MTPAP: variants seen among roughly 807,000 people sequenced by gnomAD.
The protein encoded by MTPAP is mitochondrial poly(A) polymerase, also known as poly(A) RNA polymerase, mitochondrial.
In MTPAP, 23 loss-of-function variants were observed where a neutral mutation model predicts 48.7. That is an observed-to-expected ratio of 0.47 (90% CI 0.34 to 0.67). The LOEUF (loss-of-function observed/expected upper bound fraction) is 0.67, where lower values mean the gene tolerates loss of function less well. MTPAP is among the 30% of genes least tolerant of loss of function. The pLI is 0.01. For missense variants in MTPAP, 614 were observed against 694.3 expected, an observed-to-expected ratio of 0.88 and a Z score of 1.30; for synonymous variants, 257 against 254.1, an observed-to-expected ratio of 1.01 and a Z score of -0.11.
chr10:30,339,911 GAAA>G (rs1446470440), intron 3 of MTPAP: 2 of 365,344 alleles, frequency 5.5e-6, no homozygotes, highest in Non-Finnish European at 1.0e-5. Context: ...GGAGGGGAAA[GAAA>G]AAGACATTAG....
Position 30,312,784 on chromosome 10 carries a change from G to A in MTPAP, c.*825C>T, listed in dbSNP as rs1006922260. On this transcript the variant is annotated 3_prime_UTR_variant, in exon 9 of 9. Coordinates refer to ENST00000263063, the MANE Select transcript of MTPAP (RefSeq NM_018109.4). ...ATGTCTCTTTCCTGCAGGAAGAGGG[G>A]AGTTCTCAAAAGAGATGTGAAGGAA... 5 of 151,988 alleles carry A rather than the reference G, an allele frequency of 3.3e-5. No individual in the cohort carries two copies. The highest frequency in any genetic ancestry group is 1.2e-4 in the African/African-American group (5 of 41,374). 9.4% of individuals were successfully genotyped at this position (151,988 alleles called of 1,614,324 possible).
intron 1 of MTPAP, among the ~76,000 whole-genome samples, chr10:30,342,371 C>A (rs1834821207): frequency 6.6e-6 from 1 of 152,090 alleles, no homozygotes; most frequent in East Asian, 1.9e-4. Flanking sequence ...TATTTGTGGA[C>A]CACAGTTGAC....
At chr10:30,315,306 T>C (rs1840647924) in intron 8 of MTPAP, among the ~76,000 whole-genome samples, 2 of 152,172 alleles carry the variant, frequency 1.3e-5, no homozygotes, top group Non-Finnish European at 2.9e-5. Context: ...GGTTTGTGTT[T>C]TATGAAGCCA....
At position 30,340,391 on chromosome 10, in the gene MTPAP, C is replaced by T. The variant is rs1200083665; in HGVS notation, c.390G>A (p.Gly130=). 6.2e-7 allele frequency: 1 copy of T among 1,613,972 alleles called. No homozygotes were observed. Among genetic ancestry groups the T allele is most frequent in the Non-Finnish European group, 8.5e-7 (1 of 1,180,026 alleles). The change falls in exon 3 of 9, where the codon GGG becomes GGA. Residue 130 remains glycine (G), a synonymous_variant. Transcript: ENST00000263063. ...QKESIGSLQN[G]THTPSTAMET... ...CCATGGCCGTGCTTGGAGTATGAGT[C>T]CCATTCTGCAGTGAACCTATGCTTT... is the stretch of plus-strand genomic sequence containing the variant.
rs983089233 is a variant in MTPAP, at chr10:30,310,083, T to C, written c.*3526A>G. 6.6e-6 allele frequency: 1 copy of C among 152,208 alleles called. No homozygotes were observed. The highest frequency in any genetic ancestry group is 2.4e-5 in the African/African-American group (1 of 41,452). 9.4% of individuals were successfully genotyped at this position (152,208 alleles called of 1,614,324 possible). ...AAGCTACTGAATGAAAGCCTAGTAA[T>C]AGTTATAGAAGAAAAAAACTTGAAA... On this transcript the variant is annotated 3_prime_UTR_variant, in exon 9 of 9. Coordinates refer to ENST00000263063, the MANE Select transcript of MTPAP (RefSeq NM_018109.4).
At chr10:30,334,499 A>T (rs1328374980) in intron 4 of MTPAP, among the ~76,000 whole-genome samples, 3 of 152,058 alleles carry the variant, frequency 2.0e-5, no homozygotes, top group African/African-American at 7.2e-5. Context: ...CATCTCTATT[A>T]AAAACACAAA....
intron 6 of MTPAP, 58 bp from the exon 7 acceptor site, chr10:30,316,268 A>G: frequency 7.8e-7 from 1 of 1,280,550 alleles, no homozygotes; most frequent in Middle Eastern, 2.5e-4. Context: ...CCTGAGATGG[A>G]GTCTCACTCT....
At chr10:30,322,773 A>G (rs1393884563) in intron 5 of MTPAP, among the ~76,000 whole-genome samples, 156 bp from the exon 6 acceptor site, 2 of 152,218 alleles carry the variant, frequency 1.3e-5, no homozygotes, top group Non-Finnish European at 2.9e-5. Flanking sequence ...AATTTGCAAT[A>G]TAAAATTTAA....
Position 30,313,677 on chromosome 10 carries a change from A to C in MTPAP, c.1681T>G (p.Leu561Val). 1.2e-6 allele frequency: 2 copies of C among 1,614,144 alleles called. No homozygotes were observed. Among genetic ancestry groups the C allele is most frequent in the Non-Finnish European group, 1.7e-6 (2 of 1,179,982 alleles). Residue 561 changes from leucine (L) to valine (V), a missense_variant, in exon 9 of 9, where the codon TTA becomes GTA. By Grantham distance (32) the Leu-to-Val change is conservative. Around this residue, in one of 5 missense-constraint regions of MTPAP, gnomAD observed 109 missense variants for 100.5 expected, o/e 1.08. Coordinates refer to ENST00000263063, the MANE Select transcript of MTPAP (RefSeq NM_018109.4). Reference sequence around the variant, plus strand: ...AAATTTTCTGTTCTGTTACCTTTTAAAGATTCTAGCAAGTTTTTGACTGTT... The same window carrying C: ...AAATTTTCTGTTCTGTTACCTTTTACAGATTCTAGCAAGTTTTTGACTGTT... The part of the protein sequence containing the change: ...IETVKNLLES[L>V]KGNRTENFTK...
chr10:30,314,222 T>A (rs1388059879), intron 8 of MTPAP, among the ~76,000 whole-genome samples: 1 of 152,030 alleles, frequency 6.6e-6, no homozygotes, highest in South Asian at 2.1e-4. Context: ...TTATCATCTA[T>A]GGATGATGAT....
intron 3 of MTPAP, 78 bp from the exon 4 acceptor site, chr10:30,337,105 A>C: frequency 7.8e-7 from 1 of 1,280,322 alleles, no homozygotes; most frequent in East Asian, 2.3e-5. Context: ...ACTTTCAAAG[A>C]TTTGGTGGCG....
chr10:30,340,178 A>G, intron 3 of MTPAP, 48 bp downstream of exon 3: 1 of 1,424,560 alleles, frequency 7.0e-7, no homozygotes, highest in East Asian at 2.3e-5. Context: ...TTTATTGTTC[A>G]TAAAAAAATA....
rs41288991 is a variant in MTPAP at position 30,313,227 on chromosome 10, C to T, written c.*382G>A. ...TTACCTATTTAGTTAAAGCACATTA[C>T]AATAATCTTTCACCCATTCCTTGTG... On this transcript the variant is annotated 3_prime_UTR_variant, in exon 9 of 9. Coordinates refer to ENST00000263063, the MANE Select transcript of MTPAP (RefSeq NM_018109.4). The T allele has an allele frequency of 1.6e-5, 4 of 245,556 alleles. No homozygotes were observed. Among genetic ancestry groups the T allele is most frequent in the Non-Finnish European group, 3.2e-5 (4 of 124,670 alleles). The allele number at this position is 245,556 out of a possible 1,614,324, so 15.2% of individuals were successfully genotyped here.
chr10:30,324,191 C>A (rs927957055), intron 5 of MTPAP, among the ~76,000 whole-genome samples: 2 of 144,050 alleles, frequency 1.4e-5, no homozygotes, highest in Non-Finnish European at 2.9e-5. Flanking sequence ...CAAACACACA[C>A]ACATATATAT....
chr10:30,343,168 G>T (rs1450618929), intron 1 of MTPAP, among the ~76,000 whole-genome samples: 2 of 152,078 alleles, frequency 1.3e-5, no homozygotes, highest in African/African-American at 4.8e-5. Context: ...CCTTAACAAG[G>T]CCAGACGCGG....
At chr10:30,341,664 C>A in intron 1 of MTPAP, 24 bp from the exon 2 acceptor site, 1 of 1,612,830 alleles carries the variant, frequency 6.2e-7, no homozygotes, top group African/African-American at 1.3e-5. Context: ...AAAAACATTT[C>A]CACCACACGC....
intron 4 of MTPAP, 132 bp from the exon 5 acceptor site, chr10:30,326,767 T>TA: frequency 1.4e-6 from 1 of 711,950 alleles, no homozygotes. Flanking sequence ...ACCCACAAAA[T>TA]AAAAACTCTT....
chr10:30,338,606 C>T (rs531920520), intron 3 of MTPAP, among the ~76,000 whole-genome samples: 11 of 149,636 alleles, frequency 7.4e-5, no homozygotes, highest in South Asian at 6.4e-4. Context: ...ACCTGGGAGG[C>T]GGAGGTTGCA....
intron 1 of MTPAP, among the ~76,000 whole-genome samples, chr10:30,343,716 C>T (rs746271620): frequency 1.1e-4 from 17 of 152,046 alleles, no homozygotes; most frequent in Non-Finnish European, 1.9e-4. Flanking sequence ...TACAGGCGTG[C>T]GCCACCACGC....
Sources: allele counts gnomAD v4.1 joint callset (sites outside exome capture counted in the v4.1 genomes callset), GRCh38; gene constraint gnomAD v4.1.1; regional missense constraint gnomAD v4.1.1; transcripts MANE v1.5; gene names NCBI Gene and HGNC (gene_info 2026-07-23, HGNC 2026-07-21).